Variants in RANGAP1 observed in about 807,000 individuals in gnomAD.
RANGAP1 encodes ran GTPase-activating protein 1.
A neutral mutation model predicts 63.5 loss-of-function variants in RANGAP1; 38 were observed. That is an observed-to-expected ratio of 0.60 (90% CI 0.46 to 0.78). The LOEUF is 0.78. RANGAP1 is among the 30% of genes least tolerant of loss of function. The pLI is 0.00. For synonymous variants in RANGAP1, 329 were observed against 310.5 expected (o/e 1.06, Z -0.63); for missense variants, 630 against 740.3 (o/e 0.85, Z 1.73).
At chr22:41,296,570 C>T in the RANGAP1 span, among the ~76,000 whole-genome samples, 1 of 151,348 alleles carries the variant, frequency 6.6e-6, no homozygotes, top group Non-Finnish European at 1.5e-5. Flanking sequence ...TCTCTTAAAC[C>T]CAGGAGATGG....
upstream of RANGAP1, among the ~76,000 whole-genome samples, chr22:41,287,375 T>TA (rs1160897505): frequency 7.7e-6 from 1 of 130,224 alleles, no homozygotes; most frequent in Non-Finnish European, 1.7e-5. Context: ...AACAGCGTTT[T>TA]TTTTTTGTTT....
At chr22:41,263,778 T>C (rs2034305690) in intron 5 of RANGAP1, among the ~76,000 whole-genome samples, 1 of 152,212 alleles carries the variant, frequency 6.6e-6, no homozygotes, top group Non-Finnish European at 1.5e-5. Flanking sequence ...AGCCTGCCCC[T>C]GCTCACCCTC....
At chr22:41,268,061 T>C (rs762340251) in intron 4 of RANGAP1, 36 bp downstream of exon 4, 1 of 1,493,118 alleles carries the variant, frequency 6.7e-7, no homozygotes. Flanking sequence ...AAAGAGGGCC[T>C]TGCGCGTGGA....
At chr22:41,261,704 G>A in intron 5 of RANGAP1, 124 bp from the exon 6 acceptor site, 1 of 1,156,416 alleles carries the variant, frequency 8.6e-7, no homozygotes, top group Admixed American at 2.3e-5. Context: ...AGGGGACGCA[G>A]GACTGCTAAC....
intron 3 of RANGAP1, among the ~76,000 whole-genome samples, chr22:41,271,999 C>T (rs2034866026): frequency 1.3e-5 from 2 of 152,222 alleles, no homozygotes; most frequent in Admixed American, 1.3e-4. Flanking sequence ...ATGCAGCACT[C>T]CTACCGGCCA....
At chr22:41,299,202 G>A in the RANGAP1 span, among the ~76,000 whole-genome samples, 3 of 151,634 alleles carry the variant, frequency 2.0e-5, no homozygotes, top group African/African-American at 7.3e-5. Flanking sequence ...GCACGATCTC[G>A]GCTCACTGTA....
At chr22:41,291,080 T>C (rs2035833233), upstream of RANGAP1, among the ~76,000 whole-genome samples, 1 of 152,256 alleles carries the variant, frequency 6.6e-6, no homozygotes, top group Non-Finnish European at 1.5e-5. Flanking sequence ...CTAGAGCAAC[T>C]ATTTAACCTT....
chr22:41,251,865 C>A (rs1009130132), intron 12 of RANGAP1, among the ~76,000 whole-genome samples: 1 of 152,104 alleles, frequency 6.6e-6, no homozygotes, highest in Non-Finnish European at 1.5e-5. Context: ...ATGAATGGTG[C>A]TACACCAAAG....
Position 41,256,020 on chromosome 22 carries a change from C to A in RANGAP1, c.1073+1G>T, listed in dbSNP as rs1006606528. On this transcript the variant is annotated splice_donor_variant, in intron 10 of 15. Coordinates refer to ENST00000356244, the MANE Select transcript of RANGAP1 (RefSeq NM_002883.4). LOFTEE classifies it high-confidence loss of function. The stretch of plus-strand genomic sequence containing the variant: ...CTCTGGGGCCACCCCGAGTTCCCTA[C>A]CTGAGGGACGCCAGCACCTTGGCCA... 6.2e-7 allele frequency: 1 copy of A among 1,613,094 alleles called. No homozygotes were observed. The highest frequency in any genetic ancestry group is 1.3e-5 in the African/African-American group (1 of 74,908).
At position 41,250,983 on chromosome 22, in the gene RANGAP1, C is replaced by T; in HGVS notation, c.1483+24G>A. On this transcript the variant is annotated intron_variant, in intron 13 of 15. Coordinates refer to ENST00000356244, the MANE Select transcript of RANGAP1 (RefSeq NM_002883.4). The stretch of plus-strand genomic sequence containing the variant: ...CGAGCATCAAGGGACAGAGGGCACC[C>T]AGGTCTCACCCAGCCCACATTACCT... 2 of 1,603,514 alleles carry T rather than the reference C, an allele frequency of 1.2e-6. 1 individual carries two copies. Among genetic ancestry groups the T allele is most frequent in the South Asian group, 2.2e-5 (2 of 90,810 alleles).
intron 3 of RANGAP1, among the ~76,000 whole-genome samples, chr22:41,271,396 CA>C (rs66523219): frequency 4.5e-5 from 6 of 133,864 alleles, no homozygotes; most frequent in African/African-American, 5.5e-5. Context: ...TAAAAAAAAA[CA>C]AAAAAAAAAA....
At chr22:41,267,673 G>A (rs995392670) in intron 4 of RANGAP1, among the ~76,000 whole-genome samples, 2 of 152,222 alleles carry the variant, frequency 1.3e-5, no homozygotes, top group Non-Finnish European at 2.9e-5. Context: ...GTGGTACGGA[G>A]AAAGGGAGGA....
upstream of RANGAP1, among the ~76,000 whole-genome samples, chr22:41,290,966 G>A (rs1333000581): frequency 1.3e-5 from 2 of 152,206 alleles, no homozygotes; most frequent in Non-Finnish European, 2.9e-5. Flanking sequence ...GGGCAAGGCA[G>A]CCTCCCCCAG....
intron 2 of RANGAP1, among the ~76,000 whole-genome samples, chr22:41,275,057 G>T (rs377178335): frequency 2.0e-5 from 3 of 152,144 alleles, no homozygotes; most frequent in East Asian, 3.9e-4. Context: ...GCCAAGCAGA[G>T]AAACGGCACC....
chr22:41,277,141 G>A (rs1569206917), intron 2 of RANGAP1, among the ~76,000 whole-genome samples: 3 of 142,060 alleles, frequency 2.1e-5, no homozygotes, highest in Non-Finnish European at 4.6e-5. Flanking sequence ...GCAGTGGCGG[G>A]ATCTCGGCTC....
At chr22:41,276,534 G>A (rs755662140) in intron 2 of RANGAP1, among the ~76,000 whole-genome samples, 1 of 152,066 alleles carries the variant, frequency 6.6e-6, no homozygotes, top group Non-Finnish European at 1.5e-5. Flanking sequence ...AGCTATTAGG[G>A]AGGCTGAGAC....
chr22:41,249,028 G>A (rs565627449), intron 15 of RANGAP1, among the ~76,000 whole-genome samples: 2 of 152,324 alleles, frequency 1.3e-5, no homozygotes, highest in East Asian at 3.9e-4. Flanking sequence ...GTGTGACCAA[G>A]GGAAACTCCT....
the RANGAP1 span, among the ~76,000 whole-genome samples, chr22:41,300,868 G>A: frequency 6.6e-6 from 1 of 151,616 alleles, no homozygotes; most frequent in South Asian, 2.1e-4. Flanking sequence ...TTGTTAGATG[G>A]GTTTAAGCGA....
At chr22:41,291,903 AAATAAT>A in the RANGAP1 span, among the ~76,000 whole-genome samples, 68 of 151,062 alleles carry the variant, frequency 4.5e-4, no homozygotes, top group Admixed American at 2.0e-3. Flanking sequence ...TCTGTCTCAA[AAATAAT>A]AATAATAATA....
Sources: gnomAD v4.1 joint callset for allele counts (sites outside exome capture counted in the v4.1 genomes callset) on GRCh38, gnomAD v4.1.1 for gene constraint, MANE v1.5 for transcripts, NCBI Gene and HGNC (gene_info 2026-07-23, HGNC 2026-07-21) for gene names.